Variants in NRG3 observed in about 807,000 individuals in gnomAD.
The protein encoded by NRG3 is pro-neuregulin-3, membrane-bound isoform.
In NRG3, 31 loss-of-function variants were observed where a neutral mutation model predicts 66.9. The ratio of observed to expected loss-of-function variants is 0.46; its 90% CI spans 0.35 to 0.63. NRG3 has a LOEUF of 0.63. Among genes scored for constraint, NRG3 ranks in the 20% least tolerant of loss-of-function variants. The probability of loss-of-function intolerance (pLI) is 0.00; values close to 1 mark genes in which losing one functional copy is unlikely to be tolerated. For missense variants in NRG3, 910 were observed against 878.9 expected (o/e 1.04, Z -0.45); for synonymous variants, 393 against 359.4 (o/e 1.09, Z -1.06).
At chr10:82,234,212 C>G (rs2076643379) in intron 1 of NRG3, among the ~76,000 whole-genome samples, 1 of 152,152 alleles carries the variant, frequency 6.6e-6, no homozygotes, top group South Asian at 2.1e-4. Flanking sequence ...TCTTTCTCCC[C>G]CAACTCACTA....
chr10:82,132,505 C>CTCAT (rs1554831227), intron 1 of NRG3, among the ~76,000 whole-genome samples: 2 of 60,346 alleles, frequency 3.3e-5, no homozygotes, highest in African/African-American at 9.6e-5. Context: ...ATATATATAT[C>CTCAT]ATATATATAT....
At chr10:82,447,092 A>C (rs534381755) in intron 2 of NRG3, among the ~76,000 whole-genome samples, 16 of 152,326 alleles carry the variant, frequency 1.1e-4, no homozygotes, top group African/African-American at 3.8e-4. Context: ...CTTGTTTACC[A>C]GGGCTGTTGT....
chr10:81,897,945 A>G (rs1695070032), intron 1 of NRG3, among the ~76,000 whole-genome samples: 1 of 152,178 alleles, frequency 6.6e-6, no homozygotes, highest in Non-Finnish European at 1.5e-5. Flanking sequence ...AGATACAAAA[A>G]TAATATACCC....
intron 2 of NRG3, among the ~76,000 whole-genome samples, chr10:82,476,943 C>T (rs777312018): frequency 3.3e-5 from 5 of 152,148 alleles, no homozygotes; most frequent in South Asian, 2.1e-4. Flanking sequence ...TCATTTGACA[C>T]GTGAGTTCCG....
At chr10:82,980,071 A>G (rs982644008) in intron 8 of NRG3, among the ~76,000 whole-genome samples, 1 of 151,830 alleles carries the variant, frequency 6.6e-6, no homozygotes, top group Non-Finnish European at 1.5e-5. Context: ...TGGGCATGGT[A>G]GTGTGTGCCT....
At chr10:82,803,946 A>C (rs1469446531) in intron 3 of NRG3, among the ~76,000 whole-genome samples, 1 of 152,182 alleles carries the variant, frequency 6.6e-6, no homozygotes, top group African/African-American at 2.4e-5. Flanking sequence ...TATAAGTTTT[A>C]AATTGTGTAC....
chr10:82,778,717 G>T (rs1305757740), intron 3 of NRG3, among the ~76,000 whole-genome samples: 5 of 152,090 alleles, frequency 3.3e-5, no homozygotes, highest in Admixed American at 2.6e-4. Context: ...CTGGGCAGGA[G>T]TGTCTGGTCC....
rs182802192 is a variant in NRG3 at position 82,143,881 on chromosome 10, T to C, written c.824-214858T>C. On this transcript the variant is annotated intron_variant, in intron 1 of 8. Transcript: ENST00000372141. Reference sequence around the variant, plus strand: ...CCTGTTTCTATAAAAAGTACAAAAATTAGCAGGGCATGGTGGTGCACACCC... The same window carrying C: ...CCTGTTTCTATAAAAAGTACAAAAACTAGCAGGGCATGGTGGTGCACACCC... Among the ~76,000 whole-genome samples the C allele has an allele frequency of 2.9e-3, 439 of 151,988 alleles. 2 individuals are homozygous for C. Among genetic ancestry groups the C allele is most frequent in the African/African-American group, 0.01 (427 of 41,466 alleles).
chr10:82,884,423 C>T (rs925379110), intron 4 of NRG3, among the ~76,000 whole-genome samples: 2 of 152,060 alleles, frequency 1.3e-5, no homozygotes, highest in Non-Finnish European at 2.9e-5. Context: ...TTTGACATTC[C>T]TTGAGCCAAA....
At chr10:82,349,161 T>C (rs1313123354) in intron 1 of NRG3, among the ~76,000 whole-genome samples, 1 of 151,024 alleles carries the variant, frequency 6.6e-6, no homozygotes, top group Non-Finnish European at 1.5e-5. Flanking sequence ...GAGTTTCCAG[T>C]TTTTCTGTTC....
chr10:82,828,313 C>T (rs2062342892), intron 3 of NRG3, among the ~76,000 whole-genome samples: 1 of 152,198 alleles, frequency 6.6e-6, no homozygotes, highest in Admixed American at 6.5e-5. Context: ...TTAGTATTTT[C>T]TAACATTGCT....
chr10:82,143,911 T>G (rs925662635), intron 1 of NRG3, among the ~76,000 whole-genome samples: 1 of 151,882 alleles, frequency 6.6e-6, no homozygotes, highest in Non-Finnish European at 1.5e-5. Context: ...ACACCCGTAG[T>G]CCCAGTTACT....
At chr10:82,432,825 A>G (rs914599556) in intron 2 of NRG3, among the ~76,000 whole-genome samples, 7 of 152,198 alleles carry the variant, frequency 4.6e-5, no homozygotes, top group African/African-American at 1.4e-4. Flanking sequence ...ATAGTGTTGC[A>G]TGGTGTATAT....
At chr10:82,495,010 C>T (rs933418669) in intron 2 of NRG3, among the ~76,000 whole-genome samples, 2 of 149,988 alleles carry the variant, frequency 1.3e-5, no homozygotes, top group Admixed American at 1.3e-4. Flanking sequence ...GCACGATCTC[C>T]ACTCACTGCA....
In NRG3 at chr10:82,110,384, AG is replaced by A. The variant is rs1429351851; in HGVS notation, c.823+234223del. Reference sequence around the variant, plus strand: ...TGTATAAAATGTTGCCAGCCACTTCAGGATTTGAGCTTTTATGTTGAGTGAG... The same window carrying A: ...TGTATAAAATGTTGCCAGCCACTTCAGATTTGAGCTTTTATGTTGAGTGAG... On this transcript the variant is annotated intron_variant, in intron 1 of 8. Transcript: ENST00000372141. Among the ~76,000 whole-genome samples, 3 of 152,140 alleles carry A rather than the reference AG, an allele frequency of 2.0e-5. No homozygotes were observed. In the East Asian group the frequency reaches 5.8e-4, roughly 29 times the overall value.
At chr10:82,623,021 A>T (rs73313572) in intron 2 of NRG3, among the ~76,000 whole-genome samples, 2 of 151,276 alleles carry the variant, frequency 1.3e-5, no homozygotes, top group African/African-American at 4.9e-5. Flanking sequence ...GAGCATTTGT[A>T]TTATTTTTCT....
chr10:82,831,944 A>G (rs2062550495), intron 3 of NRG3, among the ~76,000 whole-genome samples: 1 of 152,102 alleles, frequency 6.6e-6, no homozygotes, highest in Non-Finnish European at 1.5e-5. Context: ...ATTACTAATG[A>G]CATTATTTTC....
In NRG3 at chr10:82,449,369, T is replaced by A. The variant is rs578147028; in HGVS notation, c.953+90501T>A. 1.2e-4 allele frequency among the ~76,000 whole-genome samples: 18 copies of A among 152,336 alleles called. No homozygotes were observed. In the South Asian group the frequency reaches 3.7e-3, roughly 32 times the overall value. The stretch of plus-strand genomic sequence containing the variant: ...GAGATCTTCAGAAGAAAGGCCAGGT[T>A]TTTTGTTATCCTTGCACTCATGCAC... On this transcript the variant is annotated intron_variant, in intron 2 of 8. Coordinates refer to ENST00000372141, the MANE Select transcript of NRG3 (RefSeq NM_001010848.4).
At chr10:82,700,430 G>C (rs2055774054) in intron 2 of NRG3, among the ~76,000 whole-genome samples, 1 of 152,174 alleles carries the variant, frequency 6.6e-6, no homozygotes, top group African/African-American at 2.4e-5. Context: ...CCAATAGTTG[G>C]AGGTGGAAAG....
Sources: allele counts gnomAD v4.1 joint callset (sites outside exome capture counted in the v4.1 genomes callset), GRCh38; gene constraint gnomAD v4.1.1; transcripts MANE v1.5; gene names NCBI Gene and HGNC (gene_info 2026-07-23, HGNC 2026-07-21).